The following ZNF76 variants were observed in gnomAD, a reference collection of about 807,000 sequenced individuals.
ZNF76 encodes the protein zinc finger protein 76.
ZNF76 carries 66 observed loss-of-function variants against 66.9 expected under a neutral mutation model. The ratio of observed to expected loss-of-function variants is 0.99; its 90% CI spans 0.81 to 1.21. ZNF76 has a LOEUF of 1.21. ZNF76 is among the 50% of genes most tolerant of loss of function. The pLI, the probability that ZNF76 is intolerant of heterozygous loss-of-function variation, is 0.00. For synonymous variants in ZNF76, 275 were observed against 296.1 expected, an observed-to-expected ratio of 0.93 and a Z score of 0.73; for missense variants, 729 against 760.3, an observed-to-expected ratio of 0.96 and a Z score of 0.48.
intron 1 of ZNF76, among the ~76,000 whole-genome samples, chr6:35,269,333 C>A (rs1385819472): frequency 6.7e-6 from 1 of 149,346 alleles, no homozygotes; most frequent in Non-Finnish European, 1.5e-5. Context: ...CTCCTCTCTT[C>A]CAGTTCAGAA....
chr6:35,281,037 A>T lies in ZNF76; in HGVS notation c.-96-19A>T. On this transcript the variant is annotated intron_variant, in intron 1 of 13. Coordinates refer to ENST00000373953, the MANE Select transcript of ZNF76 (RefSeq NM_003427.5). ...AGAAAGCTGGTTAACTCATAATGTG[A>T]TACTGTTTATTTTCTTAGATTTGTG... is the stretch of plus-strand genomic sequence containing the variant. 1 of 1,021,566 alleles carries T rather than the reference A, an allele frequency of 9.8e-7. No homozygotes were observed. Among genetic ancestry groups the T allele is most frequent in the Non-Finnish European group, 1.5e-6 (1 of 646,094 alleles). The allele number at this position is 1,021,566 out of a possible 1,614,324, so 63.3% of individuals were successfully genotyped here.
At chr6:35,283,975 C>T (rs944036026) in intron 2 of ZNF76, among the ~76,000 whole-genome samples, 2 of 152,220 alleles carry the variant, frequency 1.3e-5, no homozygotes, top group African/African-American at 4.8e-5. Context: ...AAAGGGGAGA[C>T]GTCAGCAGAG....
intron 2 of ZNF76, among the ~76,000 whole-genome samples, chr6:35,284,930 C>T (rs1365865557): frequency 1.3e-5 from 2 of 152,142 alleles, no homozygotes; most frequent in African/African-American, 2.4e-5. Context: ...AGGCTGGTCT[C>T]AAACTCCTGA....
At chr6:35,276,503 C>G (rs1397823430) in intron 1 of ZNF76, among the ~76,000 whole-genome samples, 1 of 152,176 alleles carries the variant, frequency 6.6e-6, no homozygotes, top group Non-Finnish European at 1.5e-5. Flanking sequence ...CACTATTATC[C>G]CCATTTTCTC....
intron 1 of ZNF76, among the ~76,000 whole-genome samples, chr6:35,272,173 G>T (rs1033676861): frequency 4.6e-4 from 70 of 152,108 alleles, no homozygotes; most frequent in African/African-American, 1.7e-3. Context: ...AGGCAAGGTG[G>T]CTCATACTTG....
intron 12 of ZNF76, 186 bp downstream of exon 12, chr6:35,294,101 G>A: frequency 1.5e-6 from 1 of 671,128 alleles, no homozygotes; most frequent in Non-Finnish European, 2.5e-6. Flanking sequence ...TTGAATGGAG[G>A]TCAAGAGACA....
intron 1 of ZNF76, among the ~76,000 whole-genome samples, chr6:35,272,682 A>G (rs1337659059): frequency 1.3e-5 from 2 of 152,212 alleles, no homozygotes; most frequent in Non-Finnish European, 2.9e-5. Flanking sequence ...TTTGTCACAC[A>G]GGTTGAAGTG....
At chr6:35,291,214 G>A (rs2150374873) in intron 7 of ZNF76, 64 bp from the exon 8 acceptor site, 2 of 1,551,438 alleles carry the variant, frequency 1.3e-6, no homozygotes, top group African/African-American at 1.4e-5. Flanking sequence ...TGCATGAGGT[G>A]GACGGTGGAG....
chr6:35,286,547 G>A (rs1789598308), intron 4 of ZNF76, 148 bp downstream of exon 4: 1 of 760,424 alleles, frequency 1.3e-6, no homozygotes, highest in South Asian at 1.6e-5. Flanking sequence ...ACCTGGATTA[G>A]CAGCCTTGCC....
rs1166521270 is a variant in ZNF76, at chr6:35,290,722, C to A, written c.625+6C>A. 2 of 1,614,168 alleles carry A rather than the reference C, an allele frequency of 1.2e-6. No homozygotes were observed. The highest frequency in any genetic ancestry group is 1.7e-6 in the Non-Finnish European group (2 of 1,179,966). On this transcript the variant is annotated splice_donor_region_variant and intron_variant, in intron 7 of 13. Transcript: ENST00000373953. ...TGGAAAGGCCTTTGCCACAGGTAACCTGCCTGGTGGGCTGCTTCCAGTTGA... is the reference window on the plus strand; with the variant it reads ...TGGAAAGGCCTTTGCCACAGGTAACATGCCTGGTGGGCTGCTTCCAGTTGA...
At chr6:35,276,557 A>G (rs1273622420) in intron 1 of ZNF76, among the ~76,000 whole-genome samples, 1 of 152,214 alleles carries the variant, frequency 6.6e-6, no homozygotes, top group East Asian at 1.9e-4. Flanking sequence ...AAGGCTACAC[A>G]GAAGTTCAGC....
At chr6:35,274,059 A>G (rs908950841) in intron 1 of ZNF76, among the ~76,000 whole-genome samples, 3 of 152,126 alleles carry the variant, frequency 2.0e-5, no homozygotes, top group Non-Finnish European at 4.4e-5. Context: ...ACATTGAATC[A>G]TTTTACTGCA....
At chr6:35,263,053 C>T (rs1046732471) in intron 1 of ZNF76, among the ~76,000 whole-genome samples, 3 of 152,194 alleles carry the variant, frequency 2.0e-5, no homozygotes, top group African/African-American at 7.2e-5. Flanking sequence ...CTCTCTTGTG[C>T]ATCTATCTCC....
Position 35,292,210 on chromosome 6 carries a change from A to C in ZNF76, c.932-344A>C, listed in dbSNP as rs1790496627. 4.7e-6 allele frequency: 2 copies of C among 429,906 alleles called. No individual in the cohort carries two copies. The highest frequency in any genetic ancestry group is 2.0e-5 in the African/African-American group (1 of 49,948). 26.6% of individuals were successfully genotyped at this position (429,906 alleles called of 1,614,324 possible). On this transcript the variant is annotated intron_variant, in intron 9 of 13. Coordinates refer to ENST00000373953, the MANE Select transcript of ZNF76 (RefSeq NM_003427.5). The surrounding 1 kb of genome is among the most constrained non-coding windows in gnomAD (Gnocchi z 4.7). ...TCCCCTCTTTCCCATCACAACTGAT[A>C]CTTCAGTCATCCTTGCCTCTTGCCT...
At chr6:35,263,593 C>T (rs1785558380) in intron 1 of ZNF76, among the ~76,000 whole-genome samples, 1 of 152,156 alleles carries the variant, frequency 6.6e-6, no homozygotes, top group South Asian at 2.1e-4. Flanking sequence ...AGGGTATACC[C>T]TGGGTTCTAC....
chr6:35,292,838 T>G lies in ZNF76; in HGVS notation c.1166-43T>G, dbSNP rs4713848. 2 of 1,613,526 alleles carry G rather than the reference T, an allele frequency of 1.2e-6. No individual in the cohort carries two copies. The highest frequency in any genetic ancestry group is 1.7e-6 in the Non-Finnish European group (2 of 1,179,696). On this transcript the variant is annotated intron_variant, in intron 10 of 13. Transcript: ENST00000373953. The surrounding 1 kb of genome is among the most constrained non-coding windows in gnomAD (Gnocchi z 4.7). ...AGTGGGGACAAGCCAGGCCTCCCCA[T>G]GGCATCTGGTAGCAGATGTCAGCCT...
chr6:35,269,466 C>A (rs918234015), intron 1 of ZNF76, among the ~76,000 whole-genome samples: 1 of 152,152 alleles, frequency 6.6e-6, no homozygotes, highest in East Asian at 1.9e-4. Flanking sequence ...AGAGCTGGCC[C>A]TCTGGTGAAT....
At chr6:35,282,881 CTG>C (rs1332194124) in intron 2 of ZNF76, among the ~76,000 whole-genome samples, 1 of 152,170 alleles carries the variant, frequency 6.6e-6, no homozygotes, top group Non-Finnish European at 1.5e-5. Context: ...CAAGAGCTGT[CTG>C]TGACATGTGG....
In ZNF76 at chr6:35,292,906, G is replaced by A. The variant is rs143469179; in HGVS notation, c.1191G>A (p.Pro397=). ...LEAASAAEES[P]PPKRPRIAYL... The stretch of plus-strand genomic sequence containing the variant: ...CCGCCTCTGCAGCCGAGGAGAGTCC[G>A]CCACCCAAACGACCCCGGATAGCTT... Residue 397 remains proline (P), a synonymous_variant, in exon 11 of 14, where the codon CCG becomes CCA. Transcript: ENST00000373953. The surrounding 1 kb of genome is among the most constrained non-coding windows in gnomAD (Gnocchi z 4.7). The A allele has an allele frequency of 8.0e-3, 12,963 of 1,614,150 alleles. 61 individuals are homozygous for A. The highest frequency in any genetic ancestry group is 8.9e-3 in the Non-Finnish European group (10,468 of 1,180,030).
Sources: allele counts gnomAD v4.1 joint callset (sites outside exome capture counted in the v4.1 genomes callset), GRCh38; gene constraint gnomAD v4.1.1; non-coding constraint Gnocchi (gnomAD v3.1); transcripts MANE v1.5; gene names NCBI Gene and HGNC (gene_info 2026-07-23, HGNC 2026-07-21).